Variants in ADK observed in about 807,000 individuals in gnomAD.
The protein encoded by ADK is N6,N6-dimethyladenosine kinase.
ADK carries 24 observed loss-of-function variants against 44.7 expected under a neutral mutation model. The ratio of observed to expected loss-of-function variants is 0.54; its 90% CI spans 0.39 to 0.76. The LOEUF (loss-of-function observed/expected upper bound fraction) is 0.76. Among genes scored for constraint, ADK ranks in the 30% least tolerant of loss-of-function variants. ADK has a pLI of 0.00. For synonymous variants in ADK, 128 were observed against 142.6 expected (o/e 0.90, Z 0.73); for missense variants, 321 against 425.1 (o/e 0.76, Z 2.15).
intron 7 of ADK, among the ~76,000 whole-genome samples, chr10:74,587,743 T>C (rs1031770195): frequency 5.3e-5 from 8 of 152,068 alleles, no homozygotes; most frequent in African/African-American, 1.9e-4. Flanking sequence ...TGCAGTTTTT[T>C]TTTTTTTTCA....
At chr10:74,305,180 A>G (rs1297474156) in intron 3 of ADK, among the ~76,000 whole-genome samples, 2 of 152,136 alleles carry the variant, frequency 1.3e-5, no homozygotes, top group Non-Finnish European at 2.9e-5. Context: ...TTCAGTACAT[A>G]TTTTTCCAAA....
intron 9 of ADK, among the ~76,000 whole-genome samples, chr10:74,650,690 T>C (rs543223604): frequency 1.3e-5 from 2 of 152,200 alleles, no homozygotes; most frequent in Non-Finnish European, 2.9e-5. Context: ...GTGTTGAGAC[T>C]TCACATACCA....
intron 3 of ADK, among the ~76,000 whole-genome samples, chr10:74,282,734 G>GT (rs1411505344): frequency 6.6e-6 from 1 of 152,112 alleles, no homozygotes; most frequent in Non-Finnish European, 1.5e-5. Flanking sequence ...TCCCATCTGA[G>GT]TCATTCCCTT....
intron 10 of ADK, among the ~76,000 whole-genome samples, chr10:74,679,882 C>A (rs1172542341): frequency 6.6e-6 from 1 of 151,932 alleles, no homozygotes; most frequent in Non-Finnish European, 1.5e-5. Flanking sequence ...CGCTTGAACC[C>A]AGGAGGCGGA....
At chr10:74,622,491 G>T (rs929774520) in intron 9 of ADK, among the ~76,000 whole-genome samples, 1 of 152,044 alleles carries the variant, frequency 6.6e-6, no homozygotes, top group Middle Eastern at 3.4e-3. Context: ...ACAAGCTATG[G>T]CATTAGAGCC....
At chr10:74,485,918 T>C (rs1255118049) in intron 6 of ADK, among the ~76,000 whole-genome samples, 1 of 152,106 alleles carries the variant, frequency 6.6e-6, no homozygotes. Context: ...TGTATATGAG[T>C]GTAAATTGAC....
chr10:74,180,229 ATT>A (rs1564575591), intron 1 of ADK, among the ~76,000 whole-genome samples: 4 of 111,404 alleles, frequency 3.6e-5, no homozygotes, highest in African/African-American at 1.1e-4. Context: ...TATTATTATT[ATT>A]ATTGTTATTA....
At chr10:74,570,943 T>C (rs1210733026) in intron 7 of ADK, among the ~76,000 whole-genome samples, 1 of 152,232 alleles carries the variant, frequency 6.6e-6, no homozygotes, top group African/African-American at 2.4e-5. Flanking sequence ...ATAGCTGTTA[T>C]TATTTTGAGA....
chr10:74,509,934 A>G (rs937689129), intron 6 of ADK, among the ~76,000 whole-genome samples: 3 of 152,050 alleles, frequency 2.0e-5, no homozygotes, highest in Non-Finnish European at 1.5e-5. Context: ...TTATGGCTGA[A>G]TGGTTTTTCT....
At chr10:74,533,051 A>T (rs1849346324) in intron 7 of ADK, among the ~76,000 whole-genome samples, 1 of 152,156 alleles carries the variant, frequency 6.6e-6, no homozygotes, top group African/African-American at 2.4e-5. Context: ...TAAAAATACG[A>T]TTTCCAATAC....
chr10:74,694,247 T>C (rs558950793), intron 10 of ADK, among the ~76,000 whole-genome samples: 15 of 132,666 alleles, frequency 1.1e-4, no homozygotes, highest in Non-Finnish European at 1.8e-4. Flanking sequence ...GAAACACAAG[T>C]AGAAATTATA....
chr10:74,473,912 T>C (rs1846709051), intron 6 of ADK, among the ~76,000 whole-genome samples: 1 of 152,138 alleles, frequency 6.6e-6, no homozygotes, highest in Non-Finnish European at 1.5e-5. Flanking sequence ...TAATAAATAT[T>C]AGTGGAGAGA....
intron 3 of ADK, among the ~76,000 whole-genome samples, chr10:74,266,701 ATTGTAAAGAAG>A (rs1846228474): frequency 6.6e-6 from 1 of 152,196 alleles, no homozygotes; most frequent in East Asian, 1.9e-4. Context: ...TGGAATTTGC[ATTGTAAAGAAG>A]TTTGTCCACC....
chr10:74,456,239 C>G (rs1845939934), intron 6 of ADK, among the ~76,000 whole-genome samples: 1 of 152,148 alleles, frequency 6.6e-6, no homozygotes, highest in African/African-American at 2.4e-5. Flanking sequence ...AATATACATT[C>G]TTCTCCGCAC....
intron 3 of ADK, among the ~76,000 whole-genome samples, chr10:74,225,030 CACTGGTTTAT>C (rs1001220671): frequency 2.0e-5 from 3 of 152,200 alleles, no homozygotes; most frequent in African/African-American, 7.2e-5. Flanking sequence ...TTGTTTCTGT[CACTGGTTTAT>C]GCAAAAGTAA....
intron 6 of ADK, 46 bp downstream of exon 6, chr10:74,398,625 G>GGATTATA (rs1397224676): frequency 1.9e-6 from 2 of 1,080,530 alleles, no homozygotes; most frequent in Non-Finnish European, 2.8e-6. Context: ...TTTACATGAT[G>GGATTATA]GATTATAGTT....
At chr10:74,254,859 C>A (rs543997388) in intron 3 of ADK, among the ~76,000 whole-genome samples, 19 of 152,212 alleles carry the variant, frequency 1.2e-4, no homozygotes, top group African/African-American at 4.6e-4. Flanking sequence ...TGTTTATTTG[C>A]TATTAAACTG....
Position 74,216,499 on chromosome 10 carries a change from C to T in ADK, c.141-8039C>T, listed in dbSNP as rs562996602. 2.2e-4 allele frequency among the ~76,000 whole-genome samples: 34 copies of T among 151,992 alleles called. No homozygotes were observed. The South Asian group carries it at 5.4e-3, about 24-fold the overall frequency. On this transcript the variant is annotated intron_variant, in intron 2 of 10. Coordinates refer to ENST00000539909, the MANE Select transcript of ADK (RefSeq NM_006721.4). ...TAGTACTTTGGGAGGACAAGGTGGG[C>T]GGATCACTTGAGGTGAGGAGTTGGT...
intron 4 of ADK, among the ~76,000 whole-genome samples, chr10:74,356,019 T>TGTTTTG (rs1842134481): frequency 7.3e-6 from 1 of 136,488 alleles, no homozygotes; most frequent in Non-Finnish European, 1.6e-5. Flanking sequence ...TTTTTTTTTT[T>TGTTTTG]TTTTTTTTTT....
Sources: gnomAD v4.1 joint callset for allele counts (sites outside exome capture counted in the v4.1 genomes callset) on GRCh38, gnomAD v4.1.1 for gene constraint, MANE v1.5 for transcripts, NCBI Gene and HGNC (gene_info 2026-07-23, HGNC 2026-07-21) for gene names.